Variants in PTBP1 observed in about 807,000 individuals in gnomAD.
PTBP1 encodes the protein polypyrimidine tract binding protein 1, also known as polypyrimidine tract-binding protein 1.
Under a neutral mutation model 59.8 loss-of-function variants are expected in PTBP1, and 8 were observed. The observed-to-expected ratio is 0.13, with a 90% CI of 0.08 to 0.24. The LOEUF (loss-of-function observed/expected upper bound fraction) is 0.24, where lower values mean the gene tolerates loss of function less well. Ranked by LOEUF, PTBP1 falls within the 10% of genes least tolerant of loss-of-function variation. The pLI is 1.00. For synonymous variants in PTBP1, 490 were observed against 320.7 expected (o/e 1.53, Z -5.64); for missense variants, 686 against 767.0 (o/e 0.89, Z 1.25).
chr19:800,657 A>ACG (rs1454125728), intron 2 of PTBP1, among the ~76,000 whole-genome samples: 1 of 152,170 alleles, frequency 6.6e-6, no homozygotes, highest in South Asian at 2.1e-4. Flanking sequence ...TGCTGTCTTT[A>ACG]CGCGCTGCCT....
Position 810,958 on chromosome 19 carries a change from T to C in PTBP1, c.*132T>C. The stretch of plus-strand genomic sequence containing the variant: ...TTTTTTAAAGAGAAATCAGTTTACC[T>C]GTTTTTAAAAAAATTAAATCTAGTT... On this transcript the variant is annotated 3_prime_UTR_variant, in exon 15 of 15. Coordinates refer to ENST00000356948, the MANE Select transcript of PTBP1 (RefSeq NM_002819.5). 1 of 1,011,486 alleles carries C rather than the reference T, an allele frequency of 9.9e-7. No individual in the cohort carries two copies. The highest frequency in any genetic ancestry group is 1.4e-6 in the Non-Finnish European group (1 of 729,790). 62.7% of individuals were successfully genotyped at this position (1,011,486 alleles called of 1,614,324 possible).
Position 811,355 on chromosome 19 carries a change from CGCCCCCAGGGCCTTCCCTTCT to C in PTBP1, c.*539_*559del, listed in dbSNP as rs978663969. 6 of 152,558 alleles carry C rather than the reference CGCCCCCAGGGCCTTCCCTTCT, an allele frequency of 3.9e-5. No individual in the cohort carries two copies. The highest frequency in any genetic ancestry group is 1.4e-4 in the African/African-American group (6 of 41,568). The allele number at this position is 152,558 out of a possible 1,614,324, so 9.5% of individuals were successfully genotyped here. A position where few individuals can be genotyped will look rare whatever the true frequency, so the allele number is the denominator to read the frequency against. ...AAGTCACGTGATTCTCCCTTCACCC[CGCCCCCAGGGCCTTCCCTTCT>C]GCCCCCAGGCGGGCTCCCCGCTGCT... On this transcript the variant is annotated 3_prime_UTR_variant, in exon 15 of 15. Transcript: ENST00000356948.
In PTBP1 at chr19:804,880, A is replaced by C. The variant is rs2034491666; in HGVS notation, c.658A>C (p.Asn220His). 1.2e-6 allele frequency: 2 copies of C among 1,613,880 alleles called. No homozygotes were observed. The highest frequency in any genetic ancestry group is 2.2e-5 in the East Asian group (1 of 44,872). ...GAAGATCATCACCTTCACCAAGAAC[A>C]ACCAGTTCCAGGCCCTGCTGCAGTA... ...VLKIITFTKN[N>H]QFQALLQYAD... The change falls in exon 7 of 15, where the codon AAC becomes CAC. Residue 220 changes from asparagine (N) to histidine (H), a missense_variant. Transcript: ENST00000356948.
intron 5 of PTBP1, 43 bp downstream of exon 5, chr19:804,481 G>C (rs766371232): frequency 3.1e-6 from 5 of 1,597,030 alleles, no homozygotes; most frequent in Non-Finnish European, 3.4e-6. Context: ...GGGGACCTCG[G>C]GGGTGGGCCC....
chr19:808,079 GT>G lies in PTBP1; in HGVS notation c.1153+180del. On this transcript the variant is annotated intron_variant, in intron 11 of 14. Transcript: ENST00000356948. This position sits in a 1 kb window ranked among gnomAD's most constrained non-coding sequence, Gnocchi z 4.7. ...TTGGTCCCGTAGATACGTACGCATGGTTTATCGCCCTGCATGCTTTTCAGAG... is the reference window on the plus strand; with the variant it reads ...TTGGTCCCGTAGATACGTACGCATGGTTATCGCCCTGCATGCTTTTCAGAG... 1.5e-6 allele frequency: 1 copy of G among 669,506 alleles called. No individual in the cohort carries two copies. The highest frequency in any genetic ancestry group is 2.7e-6 in the Non-Finnish European group (1 of 376,112). 41.5% of individuals were successfully genotyped at this position (669,506 alleles called of 1,614,324 possible). A position where few individuals can be genotyped will look rare whatever the true frequency, so the allele number is the denominator to read the frequency against.
At position 810,814 on chromosome 19, in the gene PTBP1, G is replaced by A; in HGVS notation, c.1662G>A (p.Lys554=). 1 of 1,581,882 alleles carries A rather than the reference G, an allele frequency of 6.3e-7. No individual in the cohort carries two copies. The highest frequency in any genetic ancestry group is 8.6e-7 in the Non-Finnish European group (1 of 1,168,758). The change falls in exon 15 of 15, where the codon AAG becomes AAA. Residue 554 remains lysine, a synonymous_variant. Transcript: ENST00000356948. ...ACCACCTGCGGGTCTCCTTCTCCAA[G>A]TCCACCATCTAGGGGCACAGGCCCC... The part of the protein sequence containing the change: ...ENHHLRVSFS[K]STI
rs758308355 is a variant in PTBP1, at chr19:803,581, C to T, written c.60C>T (p.Phe20=). The T allele has an allele frequency of 1.3e-5, 21 of 1,614,078 alleles. No individual in the cohort carries two copies. The highest frequency in any genetic ancestry group is 6.7e-5 in the African/African-American group (5 of 74,936). Residue 20 remains phenylalanine (F), a synonymous_variant, in exon 3 of 15, where the codon TTC becomes TTT. Coordinates refer to ENST00000356948, the MANE Select transcript of PTBP1 (RefSeq NM_002819.5). Reference sequence around the variant, plus strand: ...TGCAGCGGGGATCTGACGAGCTTTTCTCTACTTGTGTCACTAACGGACCGT... The same window carrying T: ...TGCAGCGGGGATCTGACGAGCTTTTTTCTACTTGTGTCACTAACGGACCGT... ...VGTKRGSDEL[F]STCVTNGPFI...
In PTBP1 at chr19:811,985, C is replaced by T. The variant is rs564963507; in HGVS notation, c.*1159C>T. 3.9e-5 allele frequency: 6 copies of T among 152,490 alleles called. No homozygotes were observed. The highest frequency in any genetic ancestry group is 1.9e-4 in the East Asian group (1 of 5,184). The allele number at this position is 152,490 out of a possible 1,614,324, so 9.4% of individuals were successfully genotyped here. ...CTGTCCCGGGGGCTCTCCTAGGATC[C>T]CCTTTCCGTAAAAGCGTGTAACAAG... is the stretch of plus-strand genomic sequence containing the variant. On this transcript the variant is annotated 3_prime_UTR_variant, in exon 15 of 15. Transcript: ENST00000356948.
Position 810,953 on chromosome 19 carries a change from TTACC to T in PTBP1, c.*129_*132del. The T allele has an allele frequency of 9.8e-7, 1 of 1,024,262 alleles. No homozygotes were observed. The allele number at this position is 1,024,262 out of a possible 1,614,324, so 63.4% of individuals were successfully genotyped here. A position where few individuals can be genotyped will look rare whatever the true frequency, so the allele number is the denominator to read the frequency against. On this transcript the variant is annotated 3_prime_UTR_variant, in exon 15 of 15. Coordinates refer to ENST00000356948, the MANE Select transcript of PTBP1 (RefSeq NM_002819.5). ...TTTATTTTTTTAAAGAGAAATCAGT[TTACC>T]TGTTTTTAAAAAAATTAAATCTAGT...
intron 9 of PTBP1, chr19:805,785 C>CA (rs2034536504): frequency 1.7e-6 from 1 of 575,958 alleles, no homozygotes; most frequent in Non-Finnish European, 3.1e-6. Flanking sequence ...ACGGCGCCAG[C>CA]CAGAAGCCGC....
rs376590892 is a variant in PTBP1, at chr19:808,667, C to T, written c.1368C>T (p.Tyr456=). ...AGGACCAGGGCCTGACCAAGGACTA[C>T]GGCAACTCACCCCTGCACCGCTTCA... ...GQEDQGLTKD[Y]GNSPLHRFKK... The change falls in exon 13 of 15, where the codon TAC becomes TAT. Residue 456 remains tyrosine, a synonymous_variant. Transcript: ENST00000356948. This position sits in a 1 kb window ranked among gnomAD's most constrained non-coding sequence, Gnocchi z 4.7. The T allele has an allele frequency of 8.3e-5, 134 of 1,612,530 alleles. No homozygotes were observed. The African/African-American group carries it at 1.0e-3, about 12-fold the overall frequency.
intron 10 of PTBP1, 31 bp from the exon 11 acceptor site, chr19:807,838 C>T (rs1237787316): frequency 2.5e-6 from 4 of 1,607,640 alleles, no homozygotes; most frequent in Non-Finnish European, 1.7e-6. Flanking sequence ...CTCCCCTGTC[C>T]CTCCGCTGCC....
chr19:802,850 C>T (rs1300152998), intron 2 of PTBP1, among the ~76,000 whole-genome samples: 1 of 152,188 alleles, frequency 6.6e-6, no homozygotes, highest in African/African-American at 2.4e-5. Context: ...TAGAAATAAC[C>T]AGTGAATAGA....
chr19:808,572 C>T lies in PTBP1; in HGVS notation c.1273C>T (p.Leu425=). 2 of 1,600,802 alleles carry T rather than the reference C, an allele frequency of 1.2e-6. No homozygotes were observed. The highest frequency in any genetic ancestry group is 1.1e-5 in the South Asian group (1 of 89,296). Residue 425 remains leucine (L), a synonymous_variant, in exon 13 of 15, where the codon CTG becomes TTG. Transcript: ENST00000356948. This position sits in a 1 kb window ranked among gnomAD's most constrained non-coding sequence, Gnocchi z 4.7. ...LAMSHLNGHK[L]HGKPIRITLS... is the part of the protein sequence containing the mutation. ...CATGAGCCACCTGAACGGGCACAAG[C>T]TGCACGGGAAGCCCATCCGCATCAC...
rs752922585 is a variant in PTBP1 at position 804,329 on chromosome 19, C to T, written c.326C>T (p.Thr109Ile). 5.0e-6 allele frequency: 8 copies of T among 1,613,762 alleles called. No individual in the cohort carries two copies. Among genetic ancestry groups the T allele is most frequent in the Non-Finnish European group, 6.8e-6 (8 of 1,179,982 alleles). The change falls in exon 5 of 15, where the codon ACC becomes ATC. Residue 109 changes from threonine (T) to isoleucine (I), a missense_variant. Coordinates refer to ENST00000356948, the MANE Select transcript of PTBP1 (RefSeq NM_002819.5). ...ATGAACACGGAGGAGGCTGCCAACA[C>T]CATGGTGAACTACTACACCTCGGTG... ...IEMNTEEAAN[T>I]MVNYYTSVTP...
At position 808,438 on chromosome 19, in the gene PTBP1, A is replaced by G. The variant is rs202193666; in HGVS notation, c.1232A>G (p.Asn411Ser). The G allele has an allele frequency of 1.4e-5, 23 of 1,603,976 alleles. No individual in the cohort carries two copies. The African/African-American group carries it at 1.9e-4, about 13-fold the overall frequency. ...ENALVQMADG[N>S]QAQLAMSHLN... is the part of the protein sequence containing the mutation. ...GCCCTAGTGCAGATGGCGGACGGCA[A>G]CCAGGCCCAGCTGGGTAAGAGGCCG... is the stretch of plus-strand genomic sequence containing the variant. The change falls in exon 12 of 15, where the codon AAC becomes AGC. Residue 411 changes from asparagine to serine, a missense_variant. Physicochemically the swap from Asn to Ser is conservative, Grantham distance 46. Transcript: ENST00000356948. This position sits in a 1 kb window ranked among gnomAD's most constrained non-coding sequence, Gnocchi z 4.7.
At position 804,918 on chromosome 19, in the gene PTBP1, G is replaced by A. The variant is rs1358020633; in HGVS notation, c.696G>A (p.Val232=). 2 of 1,613,740 alleles carry A rather than the reference G, an allele frequency of 1.2e-6. No homozygotes were observed. Among genetic ancestry groups the A allele is most frequent in the African/African-American group, 2.7e-5 (2 of 74,902 alleles). Residue 232 remains valine (V), a synonymous_variant, in exon 7 of 15, where the codon GTG becomes GTA. Transcript: ENST00000356948. ...CCCTGCTGCAGTATGCGGACCCCGT[G>A]AGCGCCCAGCACGCCAAGCTGGTGA... ...FQALLQYADP[V]SAQHAKLSLD...
At position 797,471 on chromosome 19, in the gene PTBP1, G is replaced by C. The variant is rs752208574; in HGVS notation, c.-27G>C. 3.1e-6 allele frequency: 5 copies of C among 1,595,716 alleles called. 1 individual carries two copies. In the South Asian group the frequency reaches 3.3e-5, roughly 11 times the overall value. ...CCTGCTATTCCGGCGCCTCCACTCC[G>C]TCCCCCGCGGGTCTGCTCTGTGTGC... On this transcript the variant is annotated 5_prime_UTR_variant, in exon 1 of 15. Coordinates refer to ENST00000356948, the MANE Select transcript of PTBP1 (RefSeq NM_002819.5).
chr19:810,207 T>A (rs868845406), intron 13 of PTBP1, among the ~76,000 whole-genome samples: 2 of 152,190 alleles, frequency 1.3e-5, no homozygotes, highest in South Asian at 4.1e-4. Flanking sequence ...CTTGGGAGAC[T>A]GAGGCAGGAG....
Sources: gnomAD v4.1 joint callset for allele counts (sites outside exome capture counted in the v4.1 genomes callset) on GRCh38, gnomAD v4.1.1 for gene constraint, Gnocchi (gnomAD v3.1) non-coding constraint, MANE v1.5 for transcripts, NCBI Gene and HGNC (gene_info 2026-07-23, HGNC 2026-07-21) for gene names.